The following GPHN variants were observed in gnomAD, a reference collection of about 807,000 sequenced individuals.
GPHN encodes the protein gephyrin.
Under a neutral mutation model 95.5 loss-of-function variants are expected in GPHN, and 17 were observed. That is an observed-to-expected ratio of 0.18 (90% confidence interval 0.12 to 0.27). The LOEUF is 0.27. Ranked by LOEUF, GPHN falls within the 10% of genes least tolerant of loss-of-function variation. The pLI is 1.00. For missense variants in GPHN, 660 were observed against 978.1 expected (o/e 0.67, Z 4.34); for synonymous variants, 320 against 322.5 (o/e 0.99, Z 0.08).
chr14:66,759,282 A>G (rs543444836), intron 2 of GPHN, among the ~76,000 whole-genome samples: 15 of 152,218 alleles, frequency 9.9e-5, no homozygotes, highest in Non-Finnish European at 1.9e-4. Context: ...TTCTTTACTC[A>G]CCACAGGTTA....
chr14:67,629,063 G>A, the GPHN span, among the ~76,000 whole-genome samples: 5 of 152,228 alleles, frequency 3.3e-5, no homozygotes, highest in African/African-American at 1.2e-4. Flanking sequence ...GCTGGGTGGG[G>A]TGGCTCATGC....
rs898569996 is a variant in GPHN at position 66,508,400 on chromosome 14, C to G, written c.-128C>G. ...GCACTCTGTGGCCTCCCCCTCCTTC[C>G]CCGCTCTCCTCGCGCTTCTCTGGCT... On this transcript the variant is annotated 5_prime_UTR_variant, in exon 1 of 23. Transcript: ENST00000478722. 20 of 862,016 alleles carry G rather than the reference C, an allele frequency of 2.3e-5. No homozygotes were observed. Among genetic ancestry groups the G allele is most frequent in the Middle Eastern group, 2.4e-4 (1 of 4,152 alleles). The allele number at this position is 862,016 out of a possible 1,614,324, so 53.4% of individuals were successfully genotyped here. A position where few individuals can be genotyped will look rare whatever the true frequency, so the allele number is the denominator to read the frequency against.
rs199695251 is a variant in GPHN, at chr14:67,120,140, AG to A, written c.1627-2115del. Among the ~76,000 whole-genome samples, 434 of 151,618 alleles carry A rather than the reference AG, an allele frequency of 2.9e-3. 2 individuals are homozygous for A. Among genetic ancestry groups the A allele is most frequent in the African/African-American group, 0.01 (416 of 41,366 alleles). ...GACTCCATCTCAAAAAAAAAAAAAA[AG>A]AGGTGGGAAGATAGTGGTACCATTG... On this transcript the variant is annotated intron_variant, in intron 16 of 22. Transcript: ENST00000478722.
At chr14:67,578,713 C>A in the GPHN span, 1 of 881,220 alleles carries the variant, frequency 1.1e-6, no homozygotes, top group Non-Finnish European at 1.9e-6. This position sits in a 1 kb window ranked among gnomAD's most constrained non-coding sequence, Gnocchi z 5.0. Flanking sequence ...GAGTCTAGGG[C>A]AGACCAGATC....
At chr14:66,575,160 T>C (rs1165719282) in intron 1 of GPHN, among the ~76,000 whole-genome samples, 2 of 152,242 alleles carry the variant, frequency 1.3e-5, no homozygotes, top group Non-Finnish European at 2.9e-5. Context: ...AGAAGATCTT[T>C]ATCTCTCCTT....
intron 2 of GPHN, among the ~76,000 whole-genome samples, chr14:66,738,590 T>A (rs1472784962): frequency 6.6e-6 from 1 of 152,168 alleles, no homozygotes. Context: ...TAAAACATTA[T>A]GTTACTGTCA....
At chr14:66,542,061 C>CA (rs1235174766) in intron 1 of GPHN, among the ~76,000 whole-genome samples, 1 of 152,174 alleles carries the variant, frequency 6.6e-6, no homozygotes, top group Non-Finnish European at 1.5e-5. Context: ...TTTGCATTCT[C>CA]AACTTCCTTG....
intron 5 of GPHN, among the ~76,000 whole-genome samples, chr14:66,897,604 G>A: frequency 6.6e-6 from 1 of 152,006 alleles, no homozygotes; most frequent in East Asian, 1.9e-4. Context: ...TTTTGGGATT[G>A]GTTTCTTCCA....
At chr14:67,010,927 T>C (rs1329439456) in intron 9 of GPHN, among the ~76,000 whole-genome samples, 1 of 152,188 alleles carries the variant, frequency 6.6e-6, no homozygotes, top group Non-Finnish European at 1.5e-5. Flanking sequence ...GTTGAAAACA[T>C]TGACATTGTT....
intron 2 of GPHN, among the ~76,000 whole-genome samples, chr14:66,710,670 G>T (rs2069533529): frequency 6.6e-6 from 1 of 152,156 alleles, no homozygotes; most frequent in Non-Finnish European, 1.5e-5. Context: ...TAATCGAGAT[G>T]AAAGAAGCAG....
chr14:67,406,487 C>T, the GPHN span, among the ~76,000 whole-genome samples: 1 of 152,002 alleles, frequency 6.6e-6, no homozygotes, highest in African/African-American at 2.4e-5. Context: ...TGGGGAGACT[C>T]CCCGTGGTTC....
chr14:67,521,789 A>G, the GPHN span, among the ~76,000 whole-genome samples: 1 of 152,230 alleles, frequency 6.6e-6, no homozygotes, highest in Non-Finnish European at 1.5e-5. Flanking sequence ...CAAAGTGAGA[A>G]TAAGAGCACA....
chr14:66,710,175 T>A (rs2069482486), intron 2 of GPHN, among the ~76,000 whole-genome samples: 1 of 152,224 alleles, frequency 6.6e-6, no homozygotes, highest in South Asian at 2.1e-4. Context: ...TTCTTAGTTA[T>A]TCATATTTTA....
chr14:66,667,656 G>T (rs1216435768), intron 1 of GPHN, among the ~76,000 whole-genome samples: 1 of 152,132 alleles, frequency 6.6e-6, no homozygotes, highest in Non-Finnish European at 1.5e-5. Flanking sequence ...TTAATTCAAG[G>T]TGGATTAAAG....
chr14:66,731,599 G>A (rs1161460113), intron 2 of GPHN, among the ~76,000 whole-genome samples: 1 of 152,210 alleles, frequency 6.6e-6, no homozygotes, highest in Non-Finnish European at 1.5e-5. Flanking sequence ...GGGAAGCAGA[G>A]CATAAAAGTT....
chr14:67,548,812 C>T, the GPHN span, among the ~76,000 whole-genome samples: 1 of 152,222 alleles, frequency 6.6e-6, no homozygotes, highest in Non-Finnish European at 1.5e-5. Context: ...TGTGTACTTT[C>T]GCTCTGTCAC....
At chr14:67,649,179 A>G in the GPHN span, 2 of 152,096 alleles carry the variant, frequency 1.3e-5, no homozygotes, top group African/African-American at 4.8e-5. Flanking sequence ...GCACTTATAT[A>G]TGGCATGGCT....
At chr14:67,418,028 G>T in the GPHN span, among the ~76,000 whole-genome samples, 3 of 152,214 alleles carry the variant, frequency 2.0e-5, no homozygotes, top group African/African-American at 7.2e-5. Flanking sequence ...GTATAGGAGT[G>T]AGCCACCATG....
At chr14:67,606,805 T>A in the GPHN span, among the ~76,000 whole-genome samples, 2 of 151,964 alleles carry the variant, frequency 1.3e-5, no homozygotes, top group Non-Finnish European at 2.9e-5. Flanking sequence ...TGCCACCATG[T>A]CCAGCTAATT....
Sources: gnomAD v4.1 joint callset for allele counts (sites outside exome capture counted in the v4.1 genomes callset) on GRCh38, gnomAD v4.1.1 for gene constraint, Gnocchi (gnomAD v3.1) non-coding constraint, MANE v1.5 for transcripts, NCBI Gene and HGNC (gene_info 2026-07-23, HGNC 2026-07-21) for gene names.